The following GPSM1 variants were observed in gnomAD, a reference collection of about 807,000 sequenced individuals.
GPSM1 encodes G protein signaling modulator 1, also known as G protein-signaling modulator 1.
GPSM1 carries 48 observed loss-of-function variants against 70.5 expected under a neutral mutation model. The observed-to-expected ratio is 0.68, with a 90% CI of 0.54 to 0.87. The LOEUF (loss-of-function observed/expected upper bound fraction) is 0.87. Ranked by LOEUF, GPSM1 falls within the 40% of genes least tolerant of loss-of-function variation. The pLI, the probability that GPSM1 is intolerant of heterozygous loss-of-function variation, is 0.00. For missense variants in GPSM1, 981 were observed against 972.6 expected, an observed-to-expected ratio of 1.01 and a Z score of -0.11; for synonymous variants, 416 against 430.1, an observed-to-expected ratio of 0.97 and a Z score of 0.41.
chr9:136,330,204 G>A (rs552794943), intron 1 of GPSM1, among the ~76,000 whole-genome samples: 10 of 152,262 alleles, frequency 6.6e-5, no homozygotes, highest in African/African-American at 2.2e-4. Context: ...AGTGCTCCCC[G>A]GGGCTGGGGC....
intron 1 of GPSM1, among the ~76,000 whole-genome samples, chr9:136,328,084 C>T (rs1832020301): frequency 6.6e-6 from 1 of 152,162 alleles, no homozygotes; most frequent in Non-Finnish European, 1.5e-5. Flanking sequence ...CCTGGCCCTG[C>T]CATGCCCGGG....
Position 136,355,518 on chromosome 9 carries a change from T to A in GPSM1, c.1456-172T>A. The A allele has an allele frequency of 4.3e-6, 2 of 460,718 alleles. 1 individual carries two copies. Among genetic ancestry groups the A allele is most frequent in the East Asian group, 7.6e-5 (2 of 26,160 alleles). The allele number at this position is 460,718 out of a possible 1,614,324, so 28.5% of individuals were successfully genotyped here. On this transcript the variant is annotated intron_variant, in intron 11 of 13. Transcript: ENST00000440944. ...ACGTCCTGGGGGAGGGGTAGCCGGG[T>A]GCCGAGGGTGGGTGACACGTTCTGG...
Position 136,328,594 on chromosome 9 carries a change from G to A in GPSM1, c.68+831G>A, listed in dbSNP as rs548932413. On this transcript the variant is annotated intron_variant, in intron 1 of 13. Transcript: ENST00000440944. ...GTCCCAGCAGCTGATCCCGGGGGGCGCCTAGCCTGGCCCCCAAGGATTCTC... is the reference window on the plus strand; with the variant it reads ...GTCCCAGCAGCTGATCCCGGGGGGCACCTAGCCTGGCCCCCAAGGATTCTC... 8.5e-5 allele frequency among the ~76,000 whole-genome samples: 13 copies of A among 152,314 alleles called. No homozygotes were observed. In the South Asian group the frequency reaches 2.7e-3, roughly 32 times the overall value.
chr9:136,354,522 T>C (rs1416661933), intron 11 of GPSM1, among the ~76,000 whole-genome samples: 1 of 152,168 alleles, frequency 6.6e-6, no homozygotes, highest in Non-Finnish European at 1.5e-5. Context: ...TTTGCAGACC[T>C]GGAAGAGGCC....
chr9:136,342,639 G>A lies in GPSM1; in HGVS notation c.1207+1646G>A, dbSNP rs112520683. Among the ~76,000 whole-genome samples the A allele has an allele frequency of 1.2e-3, 178 of 152,304 alleles. No homozygotes were observed. Among genetic ancestry groups the A allele is most frequent in the African/African-American group, 4.1e-3 (169 of 41,582 alleles). On this transcript the variant is annotated intron_variant, in intron 9 of 13. Coordinates refer to ENST00000440944, the MANE Select transcript of GPSM1 (RefSeq NM_001145638.3). The surrounding 1 kb of genome is among the most constrained non-coding windows in gnomAD (Gnocchi z 5.5). ...GACCCCGGCTCAGCTGAGCCTGGCA[G>A]GGACAGGGCCTTGAGGCCGGGAGTC...
Position 136,349,762 on chromosome 9 carries a change from C to G in GPSM1, c.1454C>G (p.Thr485Arg). 1 of 1,570,972 alleles carries G rather than the reference C, an allele frequency of 6.4e-7. No individual in the cohort carries two copies. The highest frequency in any genetic ancestry group is 2.2e-4 in the Middle Eastern group (1 of 4,576). Reference protein sequence around the residue: ...SADVRVHVPRTSIPRAPSSDE... With the variant: ...SADVRVHVPRRSIPRAPSSDE... ...GACGTCCGGGTGCACGTGCCACGCA[C>G]GGTAGGCGTCTTTGACGGCAGATCC... The change falls in exon 11 of 14, where the codon ACG (threonine) becomes AGG (arginine). Residue 485 changes from threonine to arginine, a missense_variant and splice_region_variant. Transcript: ENST00000440944.
intron 13 of GPSM1, 130 bp from the exon 14 acceptor site, chr9:136,357,884 C>T (rs1363985706): frequency 2.9e-6 from 2 of 691,746 alleles, no homozygotes; most frequent in East Asian, 3.0e-5. Flanking sequence ...GGCCCCAGAA[C>T]CAATTTCCTG....
Position 136,358,035 on chromosome 9 carries a change from C to G in GPSM1, c.1843C>G (p.Arg615Gly), listed in dbSNP as rs147843984. ...CCAGTCCTCCAGGATCGATGACCAG[C>G]GCTGCCCGCCACCTGACGTACTGCC... Reference protein sequence around the residue: ...KYQSSRIDDQRCPPPDVLPRG... With the variant: ...KYQSSRIDDQGCPPPDVLPRG... Residue 615 changes from arginine to glycine, a missense_variant, in exon 14 of 14, where the codon CGC (arginine) becomes GGC (glycine). Arg to Gly is a moderately radical substitution (Grantham distance 125). Coordinates refer to ENST00000440944, the MANE Select transcript of GPSM1 (RefSeq NM_001145638.3). The G allele has an allele frequency of 6.2e-7, 1 of 1,612,560 alleles. No individual in the cohort carries two copies.
At position 136,340,175 on chromosome 9, in the gene GPSM1, A is replaced by G. The variant is rs2131400880; in HGVS notation, c.1083+360A>G. The stretch of plus-strand genomic sequence containing the variant: ...GCCTGTCCTTACATCACCCACTCCC[A>G]CGCCACCTCCCTCTGCACACCCCGA... On this transcript the variant is annotated intron_variant, in intron 8 of 13. Transcript: ENST00000440944. This position sits in a 1 kb window ranked among gnomAD's most constrained non-coding sequence, Gnocchi z 7.3. Among the ~76,000 whole-genome samples, 1 of 150,954 alleles carries G rather than the reference A, an allele frequency of 6.6e-6. No individual in the cohort carries two copies. Among genetic ancestry groups the G allele is most frequent in the African/African-American group, 2.4e-5 (1 of 41,096 alleles).
At position 136,342,332 on chromosome 9, in the gene GPSM1, G is replaced by A. The variant is rs981797189; in HGVS notation, c.1207+1339G>A. On this transcript the variant is annotated intron_variant, in intron 9 of 13. Transcript: ENST00000440944. This position sits in a 1 kb window ranked among gnomAD's most constrained non-coding sequence, Gnocchi z 5.5. ...GCAGCTCTGGAAAGGCTCCGCGGAGGCTGCGGCTCTGGGTCCTCCCGACGT... is the reference window on the plus strand; with the variant it reads ...GCAGCTCTGGAAAGGCTCCGCGGAGACTGCGGCTCTGGGTCCTCCCGACGT... 6.6e-6 allele frequency among the ~76,000 whole-genome samples: 1 copy of A among 152,194 alleles called. No individual in the cohort carries two copies. The highest frequency in any genetic ancestry group is 2.4e-5 in the African/African-American group (1 of 41,454).
chr9:136,345,372 C>T (rs1375381447), intron 9 of GPSM1, among the ~76,000 whole-genome samples: 3 of 152,210 alleles, frequency 2.0e-5, no homozygotes, highest in Middle Eastern at 3.2e-3. Flanking sequence ...CTGGGCAGCT[C>T]AGCCAAGGGC....
At position 136,334,436 on chromosome 9, in the gene GPSM1, C is replaced by T. The variant is rs1554768877; in HGVS notation, c.69-11C>T. ...CAGGGCTGGGCCATGACGCCAAGTT[C>T]CTCTGCACAGGATGGAGGCGTCCTG... On this transcript the variant is annotated splice_polypyrimidine_tract_variant and intron_variant, in intron 1 of 13. Transcript: ENST00000440944. 1 of 1,606,896 alleles carries T rather than the reference C, an allele frequency of 6.2e-7. No individual in the cohort carries two copies. Among genetic ancestry groups the T allele is most frequent in the African/African-American group, 1.3e-5 (1 of 74,814 alleles).
rs1050999150 is a variant in GPSM1 at position 136,343,645 on chromosome 9, G to C, written c.1207+2652G>C. On this transcript the variant is annotated intron_variant, in intron 9 of 13. Coordinates refer to ENST00000440944, the MANE Select transcript of GPSM1 (RefSeq NM_001145638.3). The surrounding 1 kb of genome is among the most constrained non-coding windows in gnomAD (Gnocchi z 6.0). ...AGGCTGTGGGCTCCAGCCCTGGCCA[G>C]CTGATCAAGTGACTTGACCCACTTG... is the stretch of plus-strand genomic sequence containing the variant. Among the ~76,000 whole-genome samples the C allele has an allele frequency of 6.6e-6, 1 of 152,248 alleles. No individual in the cohort carries two copies.
intron 7 of GPSM1, among the ~76,000 whole-genome samples, chr9:136,339,385 G>A (rs938315694): frequency 3.3e-5 from 5 of 152,286 alleles, no homozygotes; most frequent in African/African-American, 1.2e-4. Flanking sequence ...GGCCGCCAGG[G>A]GGCGAGCGAG....
At chr9:136,336,892 A>T in intron 3 of GPSM1, 29 bp from the exon 4 acceptor site, 1 of 1,540,726 alleles carries the variant, frequency 6.5e-7, no homozygotes, top group Non-Finnish European at 8.8e-7. Flanking sequence ...CCGTGGAGGC[A>T]TGCCCCCAAC....
chr9:136,354,666 G>A (rs1489238209), intron 11 of GPSM1: 6 of 223,992 alleles, frequency 2.7e-5, no homozygotes, highest in South Asian at 1.6e-4. Context: ...GCTGGGTCAC[G>A]GGGTGGACCT....
chr9:136,339,844 G>A (rs782553393), intron 8 of GPSM1, 29 bp downstream of exon 8: 38 of 1,392,054 alleles, frequency 2.7e-5, no homozygotes, highest in South Asian at 2.3e-4. Context: ...CAGAAGTCCC[G>A]GGCACTGCCC....
chr9:136,329,486 A>T (rs1832053090), intron 1 of GPSM1, among the ~76,000 whole-genome samples: 1 of 152,150 alleles, frequency 6.6e-6, no homozygotes, highest in African/African-American at 2.4e-5. Context: ...CTGTCTCCTG[A>T]AACCCGAGTG....
intron 11 of GPSM1, 27 bp downstream of exon 11, chr9:136,349,790 GC>G (rs1433225857): frequency 6.5e-7 from 1 of 1,541,166 alleles, no homozygotes; most frequent in Non-Finnish European, 8.8e-7. Flanking sequence ...GCAGATCCAG[GC>G]CGAGAGGGAG....
Sources: allele counts gnomAD v4.1 joint callset (sites outside exome capture counted in the v4.1 genomes callset), GRCh38; gene constraint gnomAD v4.1.1; non-coding constraint Gnocchi (gnomAD v3.1); transcripts MANE v1.5; gene names NCBI Gene and HGNC (gene_info 2026-07-23, HGNC 2026-07-21).